NEBL: variants seen among roughly 807,000 people sequenced by gnomAD.
NEBL encodes LIM and SH3 protein 2.
Under a neutral mutation model 140.2 loss-of-function variants are expected in NEBL, and 122 were observed. That is an observed-to-expected ratio of 0.87 (90% CI 0.75 to 1.01). The LOEUF is 1.01. NEBL is among the 50% of genes least tolerant of loss of function. The probability of loss-of-function intolerance (pLI) is 0.00; values close to 1 mark genes in which losing one functional copy is unlikely to be tolerated. For synonymous variants in NEBL, 436 were observed against 398.9 expected, an observed-to-expected ratio of 1.09 and a Z score of -1.11; for missense variants, 1,365 against 1,231.3, an observed-to-expected ratio of 1.11 and a Z score of -1.62.
At chr10:20,942,201 A>G (rs1834908393) in intron 4 of NEBL, among the ~76,000 whole-genome samples, 1 of 152,246 alleles carries the variant, frequency 6.6e-6, no homozygotes, top group South Asian at 2.1e-4. Context: ...CTAAAAGGCT[A>G]CAGTAACCAA....
At chr10:20,820,782 G>A (rs758807534) in intron 19 of NEBL, among the ~76,000 whole-genome samples, 3 of 151,998 alleles carry the variant, frequency 2.0e-5, no homozygotes, top group Non-Finnish European at 2.9e-5. Context: ...CTGAGATCAC[G>A]CCACTGCACT....
intron 3 of NEBL, among the ~76,000 whole-genome samples, chr10:20,996,763 G>T (rs897193352): frequency 6.6e-6 from 1 of 152,070 alleles, no homozygotes; most frequent in South Asian, 2.1e-4. Context: ...GTTTTACAGG[G>T]ATATTTTTGA....
intron 2 of NEBL, among the ~76,000 whole-genome samples, chr10:21,067,905 G>A (rs1835641821): frequency 6.6e-6 from 1 of 152,178 alleles, no homozygotes; most frequent in African/African-American, 2.4e-5. Context: ...CTTGAGCGCA[G>A]GAGGTCAAGG....
At chr10:21,183,876 G>A (rs1328951147) in intron 3 of NEBL, among the ~76,000 whole-genome samples, 7 of 152,240 alleles carry the variant, frequency 4.6e-5, no homozygotes, top group Middle Eastern at 3.4e-3. Flanking sequence ...TGCTATTCTC[G>A]TGATAGTGAA....
chr10:20,940,484 G>T (rs879339086), intron 4 of NEBL, among the ~76,000 whole-genome samples: 2,189 of 144,390 alleles, frequency 0.015, 18 homozygotes, highest in Non-Finnish European at 0.023. Flanking sequence ...GAGAAAGCAG[G>T]AAAGATCTAA....
intron 13 of NEBL, among the ~76,000 whole-genome samples, chr10:20,837,403 C>G (rs1841004924): frequency 6.6e-6 from 1 of 152,114 alleles, no homozygotes; most frequent in African/African-American, 2.4e-5. Context: ...AGAACAAGGC[C>G]CTAACCCTCC....
chr10:21,172,071 C>A, intron 2 of NEBL: 1 of 370,544 alleles, frequency 2.7e-6, no homozygotes, highest in Non-Finnish European at 5.0e-6. Context: ...ACCTGACATG[C>A]ACTTCAGAGC....
At chr10:21,204,936 C>CCCTTT (rs750327812) in intron 3 of NEBL, among the ~76,000 whole-genome samples, 43 of 152,198 alleles carry the variant, frequency 2.8e-4, no homozygotes, top group Non-Finnish European at 5.6e-4. Flanking sequence ...TCATTTTCAT[C>CCCTTT]CCTTTTCCTG....
chr10:21,175,927 A>G (rs1841290055), upstream of NEBL, among the ~76,000 whole-genome samples: 1 of 152,186 alleles, frequency 6.6e-6, no homozygotes, highest in African/African-American at 2.4e-5. Flanking sequence ...CAGAGCAAGA[A>G]TGTTGGTGAT....
chr10:20,841,801 T>C (rs1350765571), intron 12 of NEBL, among the ~76,000 whole-genome samples: 1 of 152,160 alleles, frequency 6.6e-6, no homozygotes, highest in Non-Finnish European at 1.5e-5. Context: ...CTTGGTTCTG[T>C]TTTCTCTATT....
At chr10:21,152,165 G>T (rs80034259) in intron 2 of NEBL, among the ~76,000 whole-genome samples, 2,160 of 152,310 alleles carry the variant, frequency 0.014, 49 homozygotes, top group African/African-American at 0.049. Flanking sequence ...TGCAGGCGGA[G>T]TCAAGTCTGA....
At chr10:21,016,443 G>C (rs1838559296) in intron 3 of NEBL, among the ~76,000 whole-genome samples, 2 of 152,152 alleles carry the variant, frequency 1.3e-5, no homozygotes, top group Admixed American at 6.5e-5. Flanking sequence ...AGGAAGAGAG[G>C]GGGGGAAATA....
At chr10:20,831,912 G>C (rs1267488297) in intron 14 of NEBL, among the ~76,000 whole-genome samples, 2 of 152,106 alleles carry the variant, frequency 1.3e-5, no homozygotes, top group Non-Finnish European at 2.9e-5. Context: ...TGTCAGTCAA[G>C]AGTGATTGTA....
rs776550138 is a variant in NEBL at position 20,781,704 on chromosome 10, T to C, written c.*4043A>G. ...AAGTAGTCTAAGCATCACAGAATAA[T>C]AACCACAGAAGCAACATACAATGCC... On this transcript the variant is annotated 3_prime_UTR_variant, in exon 28 of 28. Transcript: ENST00000377122. The C allele has an allele frequency of 4.6e-5, 7 of 152,558 alleles. No individual in the cohort carries two copies. Among genetic ancestry groups the C allele is most frequent in the Non-Finnish European group, 8.8e-5 (6 of 68,010 alleles). 9.5% of individuals were successfully genotyped at this position (152,558 alleles called of 1,614,324 possible).
At chr10:20,876,950 C>T (rs150676602) in intron 5 of NEBL, among the ~76,000 whole-genome samples, 1 of 152,126 alleles carries the variant, frequency 6.6e-6, no homozygotes, top group Admixed American at 6.5e-5. Flanking sequence ...TGTTTTTAAT[C>T]ATTTTCTGAT....
At chr10:21,068,120 C>T (rs1314640175) in intron 2 of NEBL, among the ~76,000 whole-genome samples, 1 of 152,150 alleles carries the variant, frequency 6.6e-6, no homozygotes, top group Non-Finnish European at 1.5e-5. Flanking sequence ...GCTAGGAGGT[C>T]AGCTCCATGA....
chr10:21,010,317 T>C (rs1838286483), intron 3 of NEBL, among the ~76,000 whole-genome samples: 1 of 152,140 alleles, frequency 6.6e-6, no homozygotes, highest in South Asian at 2.1e-4. Flanking sequence ...CAATCACAGC[T>C]CACTACAACC....
intron 4 of NEBL, among the ~76,000 whole-genome samples, chr10:20,946,854 A>C (rs1425017396): frequency 6.6e-6 from 1 of 152,172 alleles, no homozygotes; most frequent in African/African-American, 2.4e-5. Context: ...TTAACAAAGG[A>C]TAACATTTAT....
intron 2 of NEBL, among the ~76,000 whole-genome samples, chr10:21,100,931 T>A (rs897377827): frequency 7.2e-5 from 11 of 152,238 alleles, no homozygotes; most frequent in African/African-American, 2.7e-4. Flanking sequence ...TTTTTGTTTC[T>A]TTGTTTGTTT....
Sources: gnomAD v4.1 joint callset for allele counts (sites outside exome capture counted in the v4.1 genomes callset) on GRCh38, gnomAD v4.1.1 for gene constraint, MANE v1.5 for transcripts, NCBI Gene and HGNC (gene_info 2026-07-23, HGNC 2026-07-21) for gene names.